The following FSTL4 variants were observed in gnomAD, a reference collection of about 807,000 sequenced individuals.
The protein encoded by FSTL4 is follistatin like 4, also known as follistatin-related protein 4.
Under a neutral mutation model 78.2 loss-of-function variants are expected in FSTL4, and 28 were observed. The observed-to-expected ratio is 0.36, with a 90% CI of 0.27 to 0.49. FSTL4 has a LOEUF of 0.49. FSTL4 is among the 20% of genes least tolerant of loss of function. FSTL4 has a pLI of 0.98. For missense variants in FSTL4, 922 were observed against 1,084.9 expected (o/e 0.85, Z 2.11); for synonymous variants, 422 against 440.5 (o/e 0.96, Z 0.53).
rs193288057 is a variant in FSTL4 at position 133,440,262 on chromosome 5, C to A, written c.161-39276G>T. Among the ~76,000 whole-genome samples the A allele has an allele frequency of 1.3e-5, 2 of 152,302 alleles. No homozygotes were observed. The highest frequency in any genetic ancestry group is 1.9e-4 in the East Asian group (1 of 5,178). On this transcript the variant is annotated intron_variant, in intron 3 of 15. Transcript: ENST00000265342. This position sits in a 1 kb window ranked among gnomAD's most constrained non-coding sequence, Gnocchi z 4.1. ...CGCTGACAAGGTGTCTTGACAGGAA[C>A]AAGACACATCATTTGGGTGGCTGTG...
At chr5:133,752,200 T>A in the FSTL4 span, among the ~76,000 whole-genome samples, 6 of 152,220 alleles carry the variant, frequency 3.9e-5, no homozygotes, top group Non-Finnish European at 7.3e-5. Context: ...GTGGGCCTCA[T>A]TTTGGGTAGA....
chr5:133,415,624 C>T (rs370028649), intron 3 of FSTL4, among the ~76,000 whole-genome samples: 15 of 151,938 alleles, frequency 9.9e-5, no homozygotes, highest in Admixed American at 2.0e-4. Flanking sequence ...AAAGCCACCA[C>T]GAGGAAAGGG....
rs563745068 is a variant in FSTL4 at position 133,352,292 on chromosome 5, A to T, written c.410-35640T>A. On this transcript the variant is annotated intron_variant, in intron 4 of 15. Transcript: ENST00000265342. ...CACATATATATATACACACATATAT[A>T]TACACACACATATATATATACACAC... Among the ~76,000 whole-genome samples the T allele has an allele frequency of 3.7e-5, 5 of 133,556 alleles. No homozygotes were observed. The East Asian group carries it at 1.1e-3, about 29-fold the overall frequency. 87.6% of individuals were successfully genotyped at this position (133,556 alleles called of 152,430 possible).
intron 6 of FSTL4, among the ~76,000 whole-genome samples, chr5:133,311,337 G>A (rs1222050759): frequency 1.3e-5 from 2 of 152,128 alleles, no homozygotes; most frequent in Non-Finnish European, 2.9e-5. Context: ...TGACTAGTGG[G>A]CGGGGAGGAG....
chr5:133,326,466 C>G (rs1207229805), intron 4 of FSTL4, among the ~76,000 whole-genome samples: 2 of 152,170 alleles, frequency 1.3e-5, no homozygotes, highest in Non-Finnish European at 2.9e-5. Context: ...GGTCACTATC[C>G]CCTTCTCTCA....
the FSTL4 span, among the ~76,000 whole-genome samples, chr5:133,774,937 GAA>G: frequency 2.6e-5 from 4 of 152,036 alleles, no homozygotes; most frequent in South Asian, 2.1e-4. Context: ...AAGTTTCTAA[GAA>G]TGCAATAGTC....
the FSTL4 span, among the ~76,000 whole-genome samples, chr5:133,809,681 G>C: frequency 6.6e-6 from 1 of 152,138 alleles, no homozygotes; most frequent in African/African-American, 2.4e-5. Flanking sequence ...GATGAGACTA[G>C]TTCACAGAGA....
At chr5:133,295,485 CT>C (rs2126872565) in intron 6 of FSTL4, among the ~76,000 whole-genome samples, 1 of 152,270 alleles carries the variant, frequency 6.6e-6, no homozygotes, top group African/African-American at 2.4e-5. Context: ...CCCTGCTATC[CT>C]TTTAGCTACT....
At chr5:133,505,561 A>G (rs1226069607) in intron 3 of FSTL4, among the ~76,000 whole-genome samples, 1 of 152,236 alleles carries the variant, frequency 6.6e-6, no homozygotes, top group Non-Finnish European at 1.5e-5. Flanking sequence ...GTCCTTCTTA[A>G]TCAAAGCCCA....
chr5:133,780,831 G>C, the FSTL4 span, among the ~76,000 whole-genome samples: 469 of 152,256 alleles, frequency 3.1e-3, 3 homozygotes, highest in African/African-American at 0.01. Context: ...AGGAGATGTG[G>C]GCCAGGGCGC....
chr5:133,228,166 G>A (rs890662184), intron 8 of FSTL4, among the ~76,000 whole-genome samples: 4 of 152,200 alleles, frequency 2.6e-5, no homozygotes, highest in African/African-American at 7.2e-5. Context: ...GGTTGAGGCT[G>A]TAGTGAGCCA....
chr5:133,760,882 A>G, the FSTL4 span, among the ~76,000 whole-genome samples: 2 of 152,232 alleles, frequency 1.3e-5, no homozygotes, highest in African/African-American at 2.4e-5. Context: ...GTGGTATTTT[A>G]TCCACTGACC....
chr5:133,575,380 G>A (rs1283673930), intron 2 of FSTL4: 1 of 152,172 alleles, frequency 6.6e-6, no homozygotes, highest in Non-Finnish European at 1.5e-5. Flanking sequence ...CTTAGTCTCT[G>A]TTTGTTGATC....
chr5:133,710,703 C>A, the FSTL4 span, among the ~76,000 whole-genome samples: 1 of 152,214 alleles, frequency 6.6e-6, no homozygotes, highest in Admixed American at 6.5e-5. Context: ...AGGCACTTGG[C>A]TGTGCAACCT....
intron 3 of FSTL4, among the ~76,000 whole-genome samples, chr5:133,507,184 G>C (rs963648904): frequency 2.6e-5 from 4 of 152,068 alleles, no homozygotes; most frequent in African/African-American, 9.7e-5. Flanking sequence ...CTTCAGCCTG[G>C]GTGACAGTGA....
At chr5:133,731,290 G>C in the FSTL4 span, among the ~76,000 whole-genome samples, 2 of 151,692 alleles carry the variant, frequency 1.3e-5, no homozygotes, top group Non-Finnish European at 2.9e-5. Context: ...TGAAGACAGG[G>C]ATGGAAAAAA....
At chr5:133,541,857 G>A (rs1466383300) in intron 3 of FSTL4, among the ~76,000 whole-genome samples, 2 of 151,736 alleles carry the variant, frequency 1.3e-5, no homozygotes, top group Non-Finnish European at 2.9e-5. Flanking sequence ...TGGCTGCTAG[G>A]GGTGTACATT....
chr5:133,787,769 G>A, the FSTL4 span, among the ~76,000 whole-genome samples: 1 of 152,180 alleles, frequency 6.6e-6, no homozygotes, highest in Non-Finnish European at 1.5e-5. Flanking sequence ...CCCAGCCTGT[G>A]CTCACTCTGC....
chr5:133,536,996 T>C (rs1369356755), intron 3 of FSTL4, among the ~76,000 whole-genome samples: 1 of 151,998 alleles, frequency 6.6e-6, no homozygotes, highest in Non-Finnish European at 1.5e-5. Flanking sequence ...GGGAGTGGGG[T>C]GTCTGGTTCC....
Sources: allele counts gnomAD v4.1 joint callset (sites outside exome capture counted in the v4.1 genomes callset), GRCh38; gene constraint gnomAD v4.1.1; non-coding constraint Gnocchi (gnomAD v3.1); transcripts MANE v1.5; gene names NCBI Gene and HGNC (gene_info 2026-07-23, HGNC 2026-07-21).